RAI14: variants seen among roughly 807,000 people sequenced by gnomAD.
RAI14 encodes retinoic acid induced 14.
RAI14 carries 45 observed loss-of-function variants against 115.4 expected under a neutral mutation model. The observed-to-expected ratio is 0.39, with a 90% CI of 0.31 to 0.50. RAI14 has a LOEUF of 0.50. RAI14 is among the 20% of genes least tolerant of loss of function. The pLI is 0.85. For missense variants in RAI14, 939 were observed against 1,131.2 expected, an observed-to-expected ratio of 0.83 and a Z score of 2.44; for synonymous variants, 371 against 415.4, an observed-to-expected ratio of 0.89 and a Z score of 1.30.
chr5:34,665,111 A>G lies in RAI14; in HGVS notation c.-49+8636A>G, dbSNP rs1743042333. 2.7e-4 allele frequency among the ~76,000 whole-genome samples: 7 copies of G among 25,896 alleles called. 1 individual carries two copies. Among genetic ancestry groups the G allele is most frequent in the African/African-American group, 8.2e-4 (7 of 8,510 alleles). The allele number at this position is 25,896 out of a possible 152,430, so 17.0% of individuals were successfully genotyped here. On this transcript the variant is annotated intron_variant, in intron 1 of 17. Transcript: ENST00000265109. ...TATATGTGTATATATATGTGTATAT[A>G]TATGTGTATATATGTATGTGTATAT...
At chr5:34,795,188 T>C (rs1407430232) in intron 3 of RAI14, among the ~76,000 whole-genome samples, 1 of 152,210 alleles carries the variant, frequency 6.6e-6, no homozygotes, top group Non-Finnish European at 1.5e-5. Flanking sequence ...TTATCCCTTC[T>C]TCTAGTGACC....
At chr5:34,686,633 A>G (rs1334597070) in intron 1 of RAI14, among the ~76,000 whole-genome samples, 2 of 152,198 alleles carry the variant, frequency 1.3e-5, no homozygotes, top group East Asian at 1.9e-4. Context: ...TTATTTGTCA[A>G]TTAAAATAAA....
intron 3 of RAI14, among the ~76,000 whole-genome samples, chr5:34,765,440 T>C (rs1283160869): frequency 6.6e-6 from 1 of 152,194 alleles, no homozygotes; most frequent in Non-Finnish European, 1.5e-5. Context: ...GATGAGAAAC[T>C]TGTTGGGAAC....
At chr5:34,713,123 G>T (rs1741594702) in intron 2 of RAI14, among the ~76,000 whole-genome samples, 2 of 152,138 alleles carry the variant, frequency 1.3e-5, no homozygotes, top group South Asian at 4.1e-4. Context: ...AGTGCCACTT[G>T]TACCCAACAT....
Position 34,821,864 on chromosome 5 carries a change from T to C in RAI14, c.1113+14T>C. ...GATAAATTACAGGTATATAAATAGA[T>C]TGCTATCATGGACTATTCTGTAGAG... On this transcript the variant is annotated intron_variant, in intron 14 of 17. Coordinates refer to ENST00000265109, the MANE Select transcript of RAI14 (RefSeq NM_015577.3). The C allele has an allele frequency of 2.2e-6, 3 of 1,394,926 alleles. No individual in the cohort carries two copies. Among genetic ancestry groups the C allele is most frequent in the South Asian group, 2.3e-5 (2 of 86,566 alleles). The allele number at this position is 1,394,926 out of a possible 1,614,324, so 86.4% of individuals were successfully genotyped here. A position where few individuals can be genotyped will look rare whatever the true frequency, so the allele number is the denominator to read the frequency against.
At chr5:34,720,706 G>A (rs973497068) in intron 2 of RAI14, among the ~76,000 whole-genome samples, 10 of 151,904 alleles carry the variant, frequency 6.6e-5, no homozygotes, top group African/African-American at 1.2e-4. Flanking sequence ...CACCGCGCCC[G>A]GCAGATTTTT....
intron 16 of RAI14, among the ~76,000 whole-genome samples, chr5:34,828,745 TA>T (rs922934795): frequency 6.6e-6 from 1 of 151,900 alleles, no homozygotes; most frequent in African/African-American, 2.4e-5. Context: ...GGAACTGGAG[TA>T]ATAGCTCAAC....
chr5:34,762,410 AAC>A (rs1748769059), intron 3 of RAI14, among the ~76,000 whole-genome samples: 1 of 152,140 alleles, frequency 6.6e-6, no homozygotes, highest in East Asian at 1.9e-4. Context: ...CAAGGTCAAT[AAC>A]CAGATGGGTG....
At chr5:34,770,402 G>T (rs1418632627) in intron 3 of RAI14, among the ~76,000 whole-genome samples, 1 of 152,186 alleles carries the variant, frequency 6.6e-6, no homozygotes, top group Non-Finnish European at 1.5e-5. Context: ...AGATTTACAT[G>T]ACCTAAAAAT....
intron 4 of RAI14, among the ~76,000 whole-genome samples, chr5:34,802,017 T>C (rs1754329917): frequency 6.6e-6 from 1 of 152,152 alleles, no homozygotes; most frequent in Admixed American, 6.5e-5. Context: ...TGAGCCATGC[T>C]TGTGCTACTC....
intron 7 of RAI14, among the ~76,000 whole-genome samples, chr5:34,808,964 G>C (rs192854561): frequency 6.6e-6 from 1 of 152,126 alleles, no homozygotes; most frequent in Admixed American, 6.6e-5. Context: ...CTGCTCACTC[G>C]CCTGCCACTT....
intron 2 of RAI14, among the ~76,000 whole-genome samples, chr5:34,711,808 A>G (rs1004676621): frequency 5.9e-5 from 9 of 152,232 alleles, no homozygotes; most frequent in Non-Finnish European, 1.0e-4. Context: ...CCCAGTCTGC[A>G]GTATTCTGTT....
At chr5:34,704,903 A>G (rs1167471157) in intron 2 of RAI14, among the ~76,000 whole-genome samples, 4 of 152,202 alleles carry the variant, frequency 2.6e-5, no homozygotes, top group Non-Finnish European at 5.9e-5. Flanking sequence ...GTCACTAGCT[A>G]CATGTGTCTG....
rs773321081 is a variant in RAI14 at position 34,686,889 on chromosome 5, C to G, written c.-31C>G. On this transcript the variant is annotated 5_prime_UTR_variant, in exon 2 of 18. Transcript: ENST00000265109. ...CTGCTTAGGTGTTGAAAAGTCTCCT[C>G]TAGAGCTTTGGAAGGCTGAATGCAC... 1.9e-6 allele frequency: 3 copies of G among 1,612,526 alleles called. No individual in the cohort carries two copies. The highest frequency in any genetic ancestry group is 2.5e-6 in the Non-Finnish European group (3 of 1,179,144).
intron 4 of RAI14, among the ~76,000 whole-genome samples, chr5:34,802,509 C>G (rs1754392001): frequency 6.6e-6 from 1 of 152,126 alleles, no homozygotes; most frequent in African/African-American, 2.4e-5. Context: ...CTCTGACCCT[C>G]TCCCCAGGTC....
chr5:34,772,067 C>T (rs1050846277), intron 3 of RAI14, among the ~76,000 whole-genome samples: 13 of 152,042 alleles, frequency 8.6e-5, no homozygotes, highest in African/African-American at 3.1e-4. Context: ...TGGCACCTCA[C>T]CTGGCTAATT....
At chr5:34,687,019 C>T in intron 2 of RAI14, 64 bp downstream of exon 2, 1 of 1,573,832 alleles carries the variant, frequency 6.4e-7, no homozygotes. Context: ...AGAAACGCTC[C>T]TCCCCACCTT....
At chr5:34,703,890 T>C (rs900304370) in intron 2 of RAI14, among the ~76,000 whole-genome samples, 3 of 152,228 alleles carry the variant, frequency 2.0e-5, no homozygotes, top group African/African-American at 7.2e-5. Flanking sequence ...TCCTTTAATG[T>C]GATGGTTCTT....
chr5:34,727,196 C>G (rs34073700), intron 2 of RAI14, among the ~76,000 whole-genome samples: 15,543 of 152,176 alleles, frequency 0.1, 962 homozygotes, highest in Middle Eastern at 0.21. Flanking sequence ...AAAGGTCACT[C>G]TTGTTATGTT....
Sources: allele counts gnomAD v4.1 joint callset (sites outside exome capture counted in the v4.1 genomes callset), GRCh38; gene constraint gnomAD v4.1.1; transcripts MANE v1.5; gene names NCBI Gene and HGNC (gene_info 2026-07-23, HGNC 2026-07-21).